Variants in USP30 observed in about 807,000 individuals in gnomAD.
The protein encoded by USP30 is ubiquitin specific peptidase 30.
USP30 carries 41 observed loss-of-function variants against 68.2 expected under a neutral mutation model. That is an observed-to-expected ratio of 0.60 (90% confidence interval 0.47 to 0.78). The LOEUF (loss-of-function observed/expected upper bound fraction) is 0.78. Among genes scored for constraint, USP30 ranks in the 30% least tolerant of loss-of-function variants. The pLI, the probability that USP30 is intolerant of heterozygous loss-of-function variation, is 0.00. For synonymous variants in USP30, 229 were observed against 253.7 expected (o/e 0.90, Z 0.93); for missense variants, 522 against 649.4 (o/e 0.80, Z 2.13).
chr12:109,069,328 C>T (rs1197342491), intron 4 of USP30, among the ~76,000 whole-genome samples: 2 of 152,194 alleles, frequency 1.3e-5, no homozygotes, highest in Non-Finnish European at 2.9e-5. Context: ...CTTGAGCCTC[C>T]CAGGAAGTGC....
chr12:109,036,307 C>CT (rs543582071), intron 3 of USP30, among the ~76,000 whole-genome samples: 21,518 of 126,042 alleles, frequency 0.17, 1,658 homozygotes, highest in Middle Eastern at 0.27. Context: ...TTCTTTCTTT[C>CT]TTTTTTTTTT....
intron 3 of USP30, among the ~76,000 whole-genome samples, chr12:109,038,661 G>C (rs1314467922): frequency 2.0e-5 from 3 of 152,110 alleles, no homozygotes; most frequent in African/African-American, 7.2e-5. Context: ...GATCATTATG[G>C]TAAGTTTATG....
At chr12:109,056,994 C>G (rs56212180) in intron 2 of USP30, among the ~76,000 whole-genome samples, 9,094 of 152,236 alleles carry the variant, frequency 0.06, 367 homozygotes, top group East Asian at 0.14. Context: ...CAGCCCCTCT[C>G]CAGACTGGAG....
intron 3 of USP30, among the ~76,000 whole-genome samples, chr12:109,032,112 AAC>A (rs2040486819): frequency 6.6e-6 from 1 of 151,796 alleles, no homozygotes; most frequent in Non-Finnish European, 1.5e-5. Context: ...AAAAAAAAAA[AAC>A]ACGGGCAACA....
intron 3 of USP30, among the ~76,000 whole-genome samples, chr12:109,030,303 G>A (rs1276487859): frequency 3.9e-5 from 6 of 152,118 alleles, no homozygotes; most frequent in African/African-American, 1.4e-4. Flanking sequence ...CCAACCTGCA[G>A]GTCTATTGTG....
intron 2 of USP30, among the ~76,000 whole-genome samples, chr12:109,057,487 T>C (rs565339166): frequency 3.3e-5 from 5 of 152,340 alleles, no homozygotes; most frequent in Admixed American, 2.0e-4. Context: ...TCCCAGTGAT[T>C]GTTAAGATAA....
chr12:109,081,898 T>C (rs1228914951), intron 8 of USP30, 35 bp from the exon 9 acceptor site: 13 of 1,597,150 alleles, frequency 8.1e-6, no homozygotes, highest in Non-Finnish European at 1.1e-5. Context: ...AGCTGTCCTT[T>C]GAATTGTAGT....
At chr12:109,060,845 G>A (rs868416290) in intron 3 of USP30, among the ~76,000 whole-genome samples, 1 of 152,256 alleles carries the variant, frequency 6.6e-6, no homozygotes, top group Middle Eastern at 3.4e-3. Flanking sequence ...AGTAGAGACA[G>A]GGTTTCACCA....
chr12:109,079,248 C>A (rs2041706387), intron 7 of USP30, among the ~76,000 whole-genome samples: 1 of 148,634 alleles, frequency 6.7e-6, no homozygotes. Context: ...TTTCTTCAAT[C>A]TTTCTTCTGT....
At chr12:109,059,557 A>G (rs2040991955) in intron 3 of USP30, among the ~76,000 whole-genome samples, 1 of 152,074 alleles carries the variant, frequency 6.6e-6, no homozygotes, top group African/African-American at 2.4e-5. Context: ...TCTGTTGCCC[A>G]GGCTGGAGTG....
At chr12:109,077,122 T>A (rs952963482) in intron 7 of USP30, among the ~76,000 whole-genome samples, 2 of 152,222 alleles carry the variant, frequency 1.3e-5, no homozygotes, top group African/African-American at 4.8e-5. Flanking sequence ...TTATTGAATT[T>A]GATTTGCTAA....
At chr12:109,083,884 T>C (rs2041875305) in intron 11 of USP30, among the ~76,000 whole-genome samples, 1 of 152,106 alleles carries the variant, frequency 6.6e-6, no homozygotes, top group Non-Finnish European at 1.5e-5. Flanking sequence ...GTCAGGGAGA[T>C]TGTGTTTTCC....
chr12:109,028,023 G>A (rs1332884037), intron 3 of USP30, among the ~76,000 whole-genome samples: 2 of 152,304 alleles, frequency 1.3e-5, no homozygotes, highest in African/African-American at 2.4e-5. Flanking sequence ...AATGCACAAG[G>A]ATTCCAATTT....
chr12:109,048,795 T>C (rs930707268), upstream of USP30, among the ~76,000 whole-genome samples: 6 of 151,980 alleles, frequency 3.9e-5, no homozygotes, highest in African/African-American at 1.4e-4. Flanking sequence ...TAAAACAGTT[T>C]ATTCTTTAAG....
chr12:109,052,690 C>A lies in USP30; in HGVS notation c.12C>A (p.Ser4=). 1 of 1,492,406 alleles carries A rather than the reference C, an allele frequency of 6.7e-7. No homozygotes were observed. Among genetic ancestry groups the A allele is most frequent in the Non-Finnish European group, 8.9e-7 (1 of 1,125,730 alleles). 92.4% of individuals were successfully genotyped at this position (1,492,406 alleles called of 1,614,324 possible). Reference sequence around the variant, plus strand: ...CCGGTGCGGCTGCAATGCTGAGCTCCCGGGCCGAGGCGGCGATGACCGCGG... The same window carrying A: ...CCGGTGCGGCTGCAATGCTGAGCTCACGGGCCGAGGCGGCGATGACCGCGG... MLS[S]RAEAAMTAAD... Residue 4 remains serine (S), a synonymous_variant, in exon 1 of 13, where the codon TCC becomes TCA. Transcript: ENST00000257548.
chr12:109,059,253 G>A (rs1229653134), intron 3 of USP30, among the ~76,000 whole-genome samples: 1 of 152,040 alleles, frequency 6.6e-6, no homozygotes, highest in African/African-American at 2.4e-5. Context: ...GGAGTGCAGT[G>A]GTACAATCTC....
Position 109,085,871 on chromosome 12 carries a change from C to T in USP30, c.1494C>T (p.Phe498=), listed in dbSNP as rs746810281. 1.9e-6 allele frequency: 3 copies of T among 1,614,240 alleles called. No individual in the cohort carries two copies. Among genetic ancestry groups the T allele is most frequent in the South Asian group, 2.2e-5 (2 of 91,082 alleles). The change falls in exon 13 of 13, where the codon TTC becomes TTT. Residue 498 remains phenylalanine, a synonymous_variant. Coordinates refer to ENST00000257548, the MANE Select transcript of USP30 (RefSeq NM_032663.5). ...TGTCCTCCAGCGCCTACCTGCTGTTCTACGAGCGCGTCCTTTCCAGGATGC... is the reference window on the plus strand; with the variant it reads ...TGTCCTCCAGCGCCTACCTGCTGTTTTACGAGCGCGTCCTTTCCAGGATGC... ...EVLSSSAYLL[F]YERVLSRMQH... is the part of the protein sequence containing the mutation.
chr12:109,048,166 A>G (rs1202188746), upstream of USP30, among the ~76,000 whole-genome samples: 1 of 150,580 alleles, frequency 6.6e-6, no homozygotes, highest in East Asian at 2.0e-4. Context: ...GCTCACTGCA[A>G]CCTCTAACTC....
chr12:109,081,263 C>A lies in USP30; in HGVS notation c.721-71C>A, dbSNP rs2041786624. On this transcript the variant is annotated intron_variant, in intron 7 of 12. Coordinates refer to ENST00000257548, the MANE Select transcript of USP30 (RefSeq NM_032663.5). The stretch of plus-strand genomic sequence containing the variant: ...TCAATATTAAACTGTTTCATAGTCA[C>A]ATATCTTGCATCTTTAAAACTTTGA... 4 of 1,422,564 alleles carry A rather than the reference C, an allele frequency of 2.8e-6. No individual in the cohort carries two copies. In the East Asian group the frequency reaches 9.1e-5, roughly 32 times the overall value. 88.1% of individuals were successfully genotyped at this position (1,422,564 alleles called of 1,614,324 possible). A position where few individuals can be genotyped will look rare whatever the true frequency, so the allele number is the denominator to read the frequency against.
Sources: allele counts gnomAD v4.1 joint callset (sites outside exome capture counted in the v4.1 genomes callset), GRCh38; gene constraint gnomAD v4.1.1; transcripts MANE v1.5; gene names NCBI Gene and HGNC (gene_info 2026-07-23, HGNC 2026-07-21).